KCNB2: variants seen among roughly 807,000 people sequenced by gnomAD.
KCNB2 encodes the protein potassium voltage-gated channel subfamily B member 2.
Under a neutral mutation model 61.5 loss-of-function variants are expected in KCNB2, and 15 were observed. The observed-to-expected ratio is 0.24, with a 90% CI of 0.16 to 0.38. The LOEUF is 0.38. KCNB2 is among the 10% of genes least tolerant of loss of function. The pLI is 1.00. For missense variants in KCNB2, 828 were observed against 1,125.2 expected, an observed-to-expected ratio of 0.74 and a Z score of 3.78; for synonymous variants, 457 against 446.0, an observed-to-expected ratio of 1.02 and a Z score of -0.31.
intron 2 of KCNB2, among the ~76,000 whole-genome samples, chr8:72,825,773 GTTC>G (rs1250256081): frequency 1.3e-5 from 2 of 152,028 alleles, no homozygotes; most frequent in African/African-American, 4.8e-5. Context: ...GAGTTATAGA[GTTC>G]TTCATATATT....
At chr8:72,718,165 C>T (rs1305497361) in intron 2 of KCNB2, among the ~76,000 whole-genome samples, 3 of 152,112 alleles carry the variant, frequency 2.0e-5, no homozygotes, top group African/African-American at 4.8e-5. Flanking sequence ...CAGGAAACAA[C>T]AGGTGCTGGA....
At chr8:72,872,176 G>A (rs1185632029) in intron 2 of KCNB2, among the ~76,000 whole-genome samples, 1 of 152,152 alleles carries the variant, frequency 6.6e-6, no homozygotes, top group Non-Finnish European at 1.5e-5. Flanking sequence ...GAGTGACTTT[G>A]GAGAATAAGC....
At chr8:72,923,602 C>G (rs754065416) in intron 2 of KCNB2, among the ~76,000 whole-genome samples, 1 of 152,030 alleles carries the variant, frequency 6.6e-6, no homozygotes, top group African/African-American at 2.4e-5. Flanking sequence ...AATTAGAATG[C>G]CCTTAGTCAA....
At chr8:72,766,840 A>T (rs1401392117) in intron 2 of KCNB2, among the ~76,000 whole-genome samples, 1 of 152,174 alleles carries the variant, frequency 6.6e-6, no homozygotes, top group South Asian at 2.1e-4. Context: ...GTCCATTTTC[A>T]TGCCATTGAT....
At chr8:72,697,092 A>G (rs1807030211) in intron 2 of KCNB2, among the ~76,000 whole-genome samples, 1 of 152,150 alleles carries the variant, frequency 6.6e-6, no homozygotes, top group South Asian at 2.1e-4. Flanking sequence ...GTCCTTTGCC[A>G]TTATTGGGGG....
chr8:72,909,109 C>G (rs1420952303), intron 2 of KCNB2, among the ~76,000 whole-genome samples: 1 of 152,072 alleles, frequency 6.6e-6, no homozygotes, highest in Admixed American at 6.6e-5. Flanking sequence ...ACTGTCCTTG[C>G]AAACCTTAGA....
intron 2 of KCNB2, among the ~76,000 whole-genome samples, chr8:72,601,603 G>A (rs192639624): frequency 6.6e-6 from 1 of 152,220 alleles, no homozygotes; most frequent in African/African-American, 2.4e-5. Flanking sequence ...CTGGATGGTG[G>A]GACTCATTAC....
intron 2 of KCNB2, among the ~76,000 whole-genome samples, chr8:72,731,159 G>T (rs777042961): frequency 1.3e-5 from 2 of 152,196 alleles, no homozygotes; most frequent in Non-Finnish European, 2.9e-5. Flanking sequence ...AGTGAGTGGG[G>T]AAGATGGAGA....
intron 2 of KCNB2, among the ~76,000 whole-genome samples, chr8:72,920,471 A>ATGTG (rs1323200698): frequency 2.4e-5 from 1 of 42,278 alleles, no homozygotes; most frequent in African/African-American, 7.0e-5. Flanking sequence ...CTATCTATCT[A>ATGTG]TCTATATATA....
chr8:72,734,045 T>C (rs1172312260), intron 2 of KCNB2, among the ~76,000 whole-genome samples: 2 of 152,188 alleles, frequency 1.3e-5, no homozygotes, highest in African/African-American at 4.8e-5. Flanking sequence ...ATTTGGAAGA[T>C]TGCTTACGGA....
chr8:72,886,498 T>C (rs1805809164), intron 2 of KCNB2, among the ~76,000 whole-genome samples: 2 of 152,166 alleles, frequency 1.3e-5, no homozygotes, highest in South Asian at 4.1e-4. Flanking sequence ...AGACATTCTG[T>C]CTCCCCCAAG....
At chr8:72,710,640 G>A (rs918425567) in intron 2 of KCNB2, among the ~76,000 whole-genome samples, 11 of 152,100 alleles carry the variant, frequency 7.2e-5, no homozygotes, top group African/African-American at 2.7e-4. Flanking sequence ...CAGTATCCCG[G>A]ACCCAATCAC....
chr8:72,845,737 G>A (rs544611288), intron 2 of KCNB2, among the ~76,000 whole-genome samples: 19 of 151,718 alleles, frequency 1.3e-4, no homozygotes, highest in Admixed American at 8.5e-4. Context: ...TGATTACACC[G>A]TGAGGGGAAA....
At chr8:72,622,003 T>G (rs118006944) in intron 2 of KCNB2, among the ~76,000 whole-genome samples, 6,021 of 152,300 alleles carry the variant, frequency 0.04, 167 homozygotes, top group Non-Finnish European at 0.057. Context: ...AGTTTGCCCT[T>G]TAAAATATGT....
At chr8:72,623,694 G>A (rs540752332) in intron 2 of KCNB2, among the ~76,000 whole-genome samples, 1 of 152,294 alleles carries the variant, frequency 6.6e-6, no homozygotes, top group Admixed American at 6.5e-5. Flanking sequence ...TGTCACATTT[G>A]TCTTCCTGGT....
At position 72,844,091 on chromosome 8, in the gene KCNB2, C is replaced by G. The variant is rs12541420; in HGVS notation, c.580-91844C>G. On this transcript the variant is annotated intron_variant, in intron 2 of 2. Coordinates refer to ENST00000523207, the MANE Select transcript of KCNB2 (RefSeq NM_004770.3). Reference sequence around the variant, plus strand: ...GGCTGGTACTGGTTTTTCCTTTCCACGTTTAGTGCTTCCTTCAGGAGCTCT... The same window carrying G: ...GGCTGGTACTGGTTTTTCCTTTCCAGGTTTAGTGCTTCCTTCAGGAGCTCT... Among the ~76,000 whole-genome samples, 5 of 152,242 alleles carry G rather than the reference C, an allele frequency of 3.3e-5. No homozygotes were observed. In the East Asian group the frequency reaches 9.7e-4, roughly 30 times the overall value.
At chr8:72,740,071 GA>G (rs1331293269) in intron 2 of KCNB2, among the ~76,000 whole-genome samples, 2 of 151,898 alleles carry the variant, frequency 1.3e-5, no homozygotes, top group Non-Finnish European at 2.9e-5. Flanking sequence ...TGTCTGTTAA[GA>G]AAAAAAATAC....
At chr8:72,652,746 A>G (rs767141894) in intron 2 of KCNB2, among the ~76,000 whole-genome samples, 7 of 152,034 alleles carry the variant, frequency 4.6e-5, no homozygotes, top group Non-Finnish European at 8.8e-5. Context: ...GACTCTGTTC[A>G]TTTGGCTCTA....
At position 72,711,988 on chromosome 8, in the gene KCNB2, T is replaced by A. The variant is rs538979126; in HGVS notation, c.579+143675T>A. Among the ~76,000 whole-genome samples, 3 of 152,282 alleles carry A rather than the reference T, an allele frequency of 2.0e-5. No homozygotes were observed. The South Asian group carries it at 6.2e-4, about 32-fold the overall frequency. On this transcript the variant is annotated intron_variant, in intron 2 of 2. Transcript: ENST00000523207. The stretch of plus-strand genomic sequence containing the variant: ...GCCTGGGCGACATAGCAAGACTCCA[T>A]CTCAAGAAAAAGAAAAAGTGAATTA...
Sources: allele counts gnomAD v4.1 joint callset (sites outside exome capture counted in the v4.1 genomes callset), GRCh38; gene constraint gnomAD v4.1.1; transcripts MANE v1.5; gene names NCBI Gene and HGNC (gene_info 2026-07-23, HGNC 2026-07-21).